The following ERBB4 variants were observed in gnomAD, a reference collection of about 807,000 sequenced individuals.
ERBB4 encodes the protein erb-b2 receptor tyrosine kinase 4, also known as receptor tyrosine-protein kinase erbB-4.
In ERBB4, 42 loss-of-function variants were observed where a neutral mutation model predicts 158.0. The observed-to-expected ratio is 0.27, with a 90% confidence interval of 0.21 to 0.34. ERBB4 has a LOEUF of 0.34. Ranked by LOEUF, ERBB4 falls within the 10% of genes least tolerant of loss-of-function variation. The probability of loss-of-function intolerance (pLI) is 1.00; values close to 1 mark genes in which losing one functional copy is unlikely to be tolerated. For missense variants in ERBB4, 1,333 were observed against 1,624.1 expected (o/e 0.82, Z 3.08); for synonymous variants, 583 against 558.7 (o/e 1.04, Z -0.61).
intron 2 of ERBB4, among the ~76,000 whole-genome samples, chr2:211,998,790 T>C (rs2076033630): frequency 6.6e-6 from 1 of 151,834 alleles, no homozygotes; most frequent in Non-Finnish European, 1.5e-5. Flanking sequence ...TAGGGATGAT[T>C]TCAGTGATTA....
chr2:212,511,699 CT>C (rs1368376854), intron 1 of ERBB4, among the ~76,000 whole-genome samples: 13 of 152,154 alleles, frequency 8.5e-5, no homozygotes, highest in African/African-American at 3.1e-4. Flanking sequence ...GAATCTGCTA[CT>C]TAGGTAACTG....
At chr2:211,679,220 A>C (rs749984120) in intron 12 of ERBB4, 36 bp from the exon 13 acceptor site, 1 of 1,610,686 alleles carries the variant, frequency 6.2e-7, no homozygotes, top group Admixed American at 1.7e-5. Flanking sequence ...AATAAAACAG[A>C]GGATTGTGTC....
At chr2:211,712,309 A>G (rs1342004499) in intron 8 of ERBB4, 133 bp from the exon 9 acceptor site, 2 of 876,062 alleles carry the variant, frequency 2.3e-6, no homozygotes, top group Admixed American at 4.9e-5. Context: ...TTTGTTTTCT[A>G]AAAAGTAAAA....
intron 3 of ERBB4, among the ~76,000 whole-genome samples, chr2:211,876,446 T>A (rs1224154771): frequency 6.6e-6 from 1 of 152,166 alleles, no homozygotes; most frequent in Non-Finnish European, 1.5e-5. Context: ...TTTCAAAATT[T>A]TACCAGATTA....
At chr2:212,269,877 T>G (rs759441704) in intron 1 of ERBB4, among the ~76,000 whole-genome samples, 1 of 151,800 alleles carries the variant, frequency 6.6e-6, no homozygotes, top group Non-Finnish European at 1.5e-5. Context: ...TGTCCATAAT[T>G]AGGCTCTGTA....
intron 20 of ERBB4, among the ~76,000 whole-genome samples, chr2:211,522,181 T>C (rs2066205220): frequency 6.6e-6 from 1 of 152,182 alleles, no homozygotes. Context: ...GGATTCACCA[T>C]TTTAGAGGCT....
chr2:211,590,892 G>C (rs904181978), intron 19 of ERBB4, among the ~76,000 whole-genome samples: 2 of 152,174 alleles, frequency 1.3e-5, no homozygotes, highest in Non-Finnish European at 2.9e-5. Context: ...ATCTTGTTAT[G>C]CAACAGGAAG....
chr2:212,492,403 A>T (rs772333813), intron 1 of ERBB4, among the ~76,000 whole-genome samples: 15 of 151,446 alleles, frequency 9.9e-5, no homozygotes, highest in Non-Finnish European at 1.8e-4. Flanking sequence ...AAATAAATTT[A>T]AAAAATAATT....
chr2:211,519,506 C>T (rs6740117), intron 20 of ERBB4, among the ~76,000 whole-genome samples: 86,324 of 151,816 alleles, frequency 0.57, 24,936 homozygotes, highest in Middle Eastern at 0.69. Context: ...CAGATCCAGA[C>T]GAGTTACTGG....
intron 3 of ERBB4, among the ~76,000 whole-genome samples, chr2:211,839,451 A>C (rs1184565715): frequency 1.3e-5 from 2 of 152,074 alleles, no homozygotes; most frequent in African/African-American, 4.8e-5. Context: ...TAAGGTGAAA[A>C]AGATTAAAAG....
At chr2:211,997,516 T>C (rs530191594) in intron 2 of ERBB4, among the ~76,000 whole-genome samples, 2 of 152,114 alleles carry the variant, frequency 1.3e-5, no homozygotes, top group Non-Finnish European at 2.9e-5. Context: ...CAAATAATCA[T>C]TGAAAGATAT....
At chr2:211,701,730 TG>T (rs1216972087) in intron 12 of ERBB4, among the ~76,000 whole-genome samples, 12 of 115,904 alleles carry the variant, frequency 1.0e-4, no homozygotes, top group Non-Finnish European at 1.6e-4. Context: ...CACTCTAGCC[TG>T]GGGCAACAGA....
At chr2:212,303,271 G>A (rs1471263520) in intron 1 of ERBB4, among the ~76,000 whole-genome samples, 2 of 151,274 alleles carry the variant, frequency 1.3e-5, no homozygotes, top group African/African-American at 4.8e-5. Context: ...CAGACAGGAG[G>A]GATGTTCAGG....
At chr2:212,144,559 T>C (rs962778145) in intron 1 of ERBB4, among the ~76,000 whole-genome samples, 16 of 152,216 alleles carry the variant, frequency 1.1e-4, no homozygotes, top group African/African-American at 3.4e-4. Flanking sequence ...AAGGATTTCA[T>C]TCTTTCAGAA....
intron 1 of ERBB4, among the ~76,000 whole-genome samples, chr2:212,427,582 T>C (rs1280942569): frequency 1.3e-5 from 2 of 152,158 alleles, no homozygotes; most frequent in Non-Finnish European, 2.9e-5. Flanking sequence ...AAAAATTCAC[T>C]ATTATGAAAT....
intron 20 of ERBB4, among the ~76,000 whole-genome samples, chr2:211,458,251 A>C (rs1489801815): frequency 6.6e-6 from 1 of 151,928 alleles, no homozygotes; most frequent in Non-Finnish European, 1.5e-5. Context: ...TTGACCAATG[A>C]GAGACAAGAC....
chr2:212,377,571 TA>T (rs60674228), intron 1 of ERBB4, among the ~76,000 whole-genome samples: 1 of 151,822 alleles, frequency 6.6e-6, no homozygotes, highest in African/African-American at 2.4e-5. Flanking sequence ...GCAAGGATGA[TA>T]AAAAATGGTA....
At chr2:211,659,831 C>T (rs2071352290) in intron 15 of ERBB4, among the ~76,000 whole-genome samples, 1 of 152,072 alleles carries the variant, frequency 6.6e-6, no homozygotes, top group Non-Finnish European at 1.5e-5. Context: ...GATGCATAAA[C>T]AGATGTGTAT....
At chr2:211,730,435 C>T (rs1462310635) in intron 5 of ERBB4, among the ~76,000 whole-genome samples, 1 of 151,886 alleles carries the variant, frequency 6.6e-6, no homozygotes, top group Non-Finnish European at 1.5e-5. Flanking sequence ...CACTCTGACA[C>T]TTCCTCCTCC....
Sources: allele counts gnomAD v4.1 joint callset (sites outside exome capture counted in the v4.1 genomes callset), GRCh38; gene constraint gnomAD v4.1.1; transcripts MANE v1.5; gene names NCBI Gene and HGNC (gene_info 2026-07-23, HGNC 2026-07-21).